Variants in CHST9 observed in about 807,000 individuals in gnomAD.
CHST9 encodes carbohydrate sulfotransferase 9.
CHST9 carries 41 observed loss-of-function variants against 44.4 expected under a neutral mutation model. The observed-to-expected ratio is 0.92, with a 90% CI of 0.72 to 1.20. The LOEUF (loss-of-function observed/expected upper bound fraction) is 1.20, where lower values mean the gene tolerates loss of function less well. Ranked by LOEUF, CHST9 falls within the 50% of genes most tolerant of loss-of-function variation. The pLI is 0.00. For synonymous variants in CHST9, 171 were observed against 178.4 expected, an observed-to-expected ratio of 0.96 and a Z score of 0.33; for missense variants, 504 against 516.5, an observed-to-expected ratio of 0.98 and a Z score of 0.23.
intron 4 of CHST9, among the ~76,000 whole-genome samples, chr18:26,994,732 G>T (rs1322454720): frequency 6.6e-6 from 1 of 152,078 alleles, no homozygotes; most frequent in Non-Finnish European, 1.5e-5. Context: ...GGGATTACAG[G>T]TGTGTATCAC....
chr18:26,939,748 G>C (rs1305528534), intron 5 of CHST9, among the ~76,000 whole-genome samples: 1 of 152,134 alleles, frequency 6.6e-6, no homozygotes, highest in Non-Finnish European at 1.5e-5. Context: ...GAAACAGGAC[G>C]GACCCTGGAC....
intron 5 of CHST9, among the ~76,000 whole-genome samples, chr18:26,931,090 C>G (rs1471607178): frequency 5.3e-5 from 8 of 152,198 alleles, no homozygotes; most frequent in African/African-American, 1.9e-4. Context: ...CTGCAATGCT[C>G]TTTTACATTG....
chr18:27,109,701 C>T (rs2058253352), intron 2 of CHST9, among the ~76,000 whole-genome samples: 1 of 152,176 alleles, frequency 6.6e-6, no homozygotes, highest in Non-Finnish European at 1.5e-5. Context: ...TATCTGAATC[C>T]GTTCATCACT....
intron 4 of CHST9, among the ~76,000 whole-genome samples, chr18:26,974,745 C>T (rs1204670429): frequency 6.6e-6 from 1 of 151,416 alleles, no homozygotes; most frequent in African/African-American, 2.4e-5. Flanking sequence ...CCGATCTCGG[C>T]TCACCGCAAC....
intron 1 of CHST9, among the ~76,000 whole-genome samples, chr18:27,183,363 T>A (rs910568893): frequency 6.6e-6 from 1 of 151,862 alleles, no homozygotes; most frequent in Admixed American, 6.5e-5. Context: ...TAAAACATTG[T>A]GCTGTAAGTG....
chr18:26,975,306 C>G (rs1356649235), intron 4 of CHST9, among the ~76,000 whole-genome samples: 1 of 152,018 alleles, frequency 6.6e-6, no homozygotes, highest in African/African-American at 2.4e-5. Context: ...GTATGGCATA[C>G]AAGTATAATT....
intron 5 of CHST9, among the ~76,000 whole-genome samples, chr18:26,928,806 G>A (rs892592911): frequency 4.6e-5 from 7 of 152,134 alleles, no homozygotes; most frequent in East Asian, 1.9e-4. Flanking sequence ...CTCTACAGGC[G>A]GGCAGGGTGG....
intron 2 of CHST9, among the ~76,000 whole-genome samples, chr18:27,105,126 G>A (rs1396640567): frequency 6.6e-6 from 1 of 151,596 alleles, no homozygotes; most frequent in Non-Finnish European, 1.5e-5. Flanking sequence ...CAGCATGTGA[G>A]GCATTAGTAA....
chr18:27,136,461 T>C (rs1176322751), intron 2 of CHST9, among the ~76,000 whole-genome samples: 1 of 152,230 alleles, frequency 6.6e-6, no homozygotes, highest in Non-Finnish European at 1.5e-5. Flanking sequence ...TCTCTTAGCA[T>C]GACTCTACAA....
intron 4 of CHST9, among the ~76,000 whole-genome samples, chr18:26,994,165 A>G (rs1191217207): frequency 6.6e-6 from 1 of 152,234 alleles, no homozygotes; most frequent in African/African-American, 2.4e-5. Flanking sequence ...CTGAGGTACA[A>G]GGGGTTAGGA....
At chr18:26,950,512 A>C (rs2056230479) in intron 4 of CHST9, among the ~76,000 whole-genome samples, 1 of 152,230 alleles carries the variant, frequency 6.6e-6, no homozygotes, top group African/African-American at 2.4e-5. Context: ...AAAATGTGGT[A>C]TATATACACC....
At chr18:27,006,561 T>A (rs16943161) in intron 4 of CHST9, among the ~76,000 whole-genome samples, 23,902 of 152,160 alleles carry the variant, frequency 0.16, 2,083 homozygotes, top group East Asian at 0.26. Flanking sequence ...TAGTTGTTTA[T>A]CCTCATAGTG....
At chr18:27,081,108 G>T (rs2057956394) in intron 2 of CHST9, among the ~76,000 whole-genome samples, 1 of 152,152 alleles carries the variant, frequency 6.6e-6, no homozygotes, top group Non-Finnish European at 1.5e-5. Flanking sequence ...GGGACCCTAG[G>T]TGGGGGCACT....
At chr18:26,954,114 T>A (rs2056289344) in intron 4 of CHST9, among the ~76,000 whole-genome samples, 1 of 152,122 alleles carries the variant, frequency 6.6e-6, no homozygotes. Context: ...AATCTGAGAA[T>A]CTGGGAAAGA....
At chr18:26,961,014 C>T (rs967723858) in intron 4 of CHST9, among the ~76,000 whole-genome samples, 2 of 152,182 alleles carry the variant, frequency 1.3e-5, no homozygotes, top group East Asian at 1.9e-4. Flanking sequence ...CCAGCAACAT[C>T]GATACATTCT....
At chr18:27,086,123 A>C (rs1489966163) in intron 2 of CHST9, among the ~76,000 whole-genome samples, 2 of 152,126 alleles carry the variant, frequency 1.3e-5, no homozygotes, top group African/African-American at 4.8e-5. Flanking sequence ...TTGAGGGTGG[A>C]GGGTGAGAGG....
chr18:27,044,763 A>G (rs948781735), intron 3 of CHST9, among the ~76,000 whole-genome samples: 1 of 152,064 alleles, frequency 6.6e-6, no homozygotes, highest in African/African-American at 2.4e-5. Flanking sequence ...TGTGCTAAAT[A>G]TTATTTGCAT....
At chr18:27,004,207 T>A (rs1185007) in intron 4 of CHST9, among the ~76,000 whole-genome samples, 10 of 151,538 alleles carry the variant, frequency 6.6e-5, no homozygotes, top group African/African-American at 2.4e-4. Flanking sequence ...AGCAAATTAC[T>A]GCGAGCAACA....
At chr18:27,048,929 A>G (rs897228397) in intron 2 of CHST9, among the ~76,000 whole-genome samples, 11 of 152,146 alleles carry the variant, frequency 7.2e-5, no homozygotes, top group African/African-American at 2.7e-4. Flanking sequence ...ATATGAGATG[A>G]TGAAACAGTT....
Sources: gnomAD v4.1 joint callset for allele counts (sites outside exome capture counted in the v4.1 genomes callset) on GRCh38, gnomAD v4.1.1 for gene constraint, MANE v1.5 for transcripts, NCBI Gene and HGNC (gene_info 2026-07-23, HGNC 2026-07-21) for gene names.